The following CSMD3 variants were observed in gnomAD, a reference collection of about 807,000 sequenced individuals.
CSMD3 encodes CUB and sushi domain-containing protein 3.
CSMD3 carries 177 observed loss-of-function variants against 435.2 expected under a neutral mutation model. The observed-to-expected ratio is 0.41, with a 90% CI of 0.36 to 0.46. The LOEUF (loss-of-function observed/expected upper bound fraction) is 0.46. Among genes scored for constraint, CSMD3 ranks in the 20% least tolerant of loss-of-function variants. The pLI, the probability that CSMD3 is intolerant of heterozygous loss-of-function variation, is 0.34. For missense variants in CSMD3, 4,265 were observed against 4,504.6 expected, an observed-to-expected ratio of 0.95 and a Z score of 1.52; for synonymous variants, 1,656 against 1,520.5, an observed-to-expected ratio of 1.09 and a Z score of -2.07.
intron 8 of CSMD3, among the ~76,000 whole-genome samples, chr8:112,952,122 T>A (rs1401015942): frequency 4.0e-5 from 6 of 151,166 alleles, no homozygotes; most frequent in East Asian, 3.9e-4. Context: ...ACGGGGTAGA[T>A]AGGGGCAATT....
At chr8:112,475,763 C>T (rs1236428770) in intron 31 of CSMD3, among the ~76,000 whole-genome samples, 1 of 152,100 alleles carries the variant, frequency 6.6e-6, no homozygotes, top group African/African-American at 2.4e-5. Flanking sequence ...TATATTCTTA[C>T]TTTCTGTTTT....
At chr8:112,749,323 G>T (rs1216852226) in intron 13 of CSMD3, among the ~76,000 whole-genome samples, 1 of 152,052 alleles carries the variant, frequency 6.6e-6, no homozygotes. Flanking sequence ...TTCTTTTGTT[G>T]TGCGCAGGCT....
chr8:112,241,785 G>C lies in CSMD3; in HGVS notation c.10403C>G (p.Ala3468Gly), dbSNP rs2130066101. ...TWTGKVPICEAGSKILVKDPR... is the reference protein window; with the variant it reads ...TWTGKVPICEGGSKILVKDPR... ...ATCTTTCACCAATATTTTAGAACCA[G>C]CTATGAAAAGAAATAAAGGTGTTTA... The change falls in exon 66 of 71, where the codon GCT (alanine) becomes GGT (glycine). Residue 3468 changes from alanine to glycine, a missense_variant and splice_region_variant. By Grantham distance (60) the Ala-to-Gly change is moderately conservative. This residue lies in a region of CSMD3 where 3,255 missense variants were observed against 3,380.2 expected (regional missense o/e 0.96). Transcript: ENST00000297405. 1 of 1,609,222 alleles carries C rather than the reference G, an allele frequency of 6.2e-7. No individual in the cohort carries two copies. The highest frequency in any genetic ancestry group is 8.5e-7 in the Non-Finnish European group (1 of 1,176,208).
intron 22 of CSMD3, among the ~76,000 whole-genome samples, chr8:112,612,884 C>T (rs780059185): frequency 4.2e-5 from 6 of 142,762 alleles, no homozygotes; most frequent in East Asian, 2.0e-4. Flanking sequence ...CACCACCATA[C>T]GTGGCTAATT....
At chr8:112,439,507 A>C (rs1180722639) in intron 32 of CSMD3, among the ~76,000 whole-genome samples, 5 of 152,176 alleles carry the variant, frequency 3.3e-5, no homozygotes, top group Non-Finnish European at 7.3e-5. Flanking sequence ...TATAATCTGT[A>C]GGACTTTATA....
In CSMD3 at chr8:112,347,422, C is replaced by T. The variant is rs180688329; in HGVS notation, c.6326-1209G>A. ...TCCATTTATTTCGTGCCAAGAGTAG[C>T]AACACACAGATACTCAAATCTCAGG... On this transcript the variant is annotated intron_variant, in intron 40 of 70. Transcript: ENST00000297405. Among the ~76,000 whole-genome samples the T allele has an allele frequency of 2.0e-4, 31 of 152,230 alleles. 1 individual carries two copies. The highest frequency in any genetic ancestry group is 5.2e-4 in the Admixed American group (8 of 15,292).
intron 6 of CSMD3, among the ~76,000 whole-genome samples, chr8:113,001,923 G>C (rs935575165): frequency 6.6e-6 from 1 of 152,010 alleles, no homozygotes; most frequent in Non-Finnish European, 1.5e-5. Flanking sequence ...TAAATATATG[G>C]ATGGATGAAT....
chr8:112,728,576 C>G (rs2077012635), intron 13 of CSMD3, among the ~76,000 whole-genome samples: 2 of 151,912 alleles, frequency 1.3e-5, no homozygotes, highest in African/African-American at 4.8e-5. Flanking sequence ...TAAAGTTCTA[C>G]ATAACAAGAC....
At chr8:113,133,620 T>C (rs891308624) in intron 4 of CSMD3, among the ~76,000 whole-genome samples, 7 of 152,112 alleles carry the variant, frequency 4.6e-5, no homozygotes, top group African/African-American at 1.7e-4. Flanking sequence ...TAAAGTGATA[T>C]TTGCACATCC....
intron 1 of CSMD3, among the ~76,000 whole-genome samples, chr8:113,328,510 T>C (rs1270413654): frequency 6.6e-6 from 1 of 151,270 alleles, no homozygotes; most frequent in African/African-American, 2.4e-5. Context: ...TGACCTATAA[T>C]TTGCTAACTG....
intron 4 of CSMD3, among the ~76,000 whole-genome samples, chr8:113,111,965 G>A (rs1458919657): frequency 6.6e-6 from 1 of 152,130 alleles, no homozygotes; most frequent in Admixed American, 6.5e-5. Context: ...ACAGGCAGGA[G>A]CCACTGCGCC....
intron 4 of CSMD3, among the ~76,000 whole-genome samples, chr8:113,133,258 G>A (rs973259124): frequency 6.6e-6 from 1 of 152,024 alleles, no homozygotes; most frequent in Non-Finnish European, 1.5e-5. Context: ...TGAAGGAATT[G>A]TTAGATATTT....
Position 112,389,402 on chromosome 8 carries a change from C to G in CSMD3, c.5934+1262G>C, listed in dbSNP as rs561117217. ...GGGCAATCCCAAAATCCTTATTATT[C>G]TACTATAATAAGATAGGATTGATTC... On this transcript the variant is annotated intron_variant, in intron 36 of 70. Transcript: ENST00000297405. 4.5e-4 allele frequency among the ~76,000 whole-genome samples: 68 copies of G among 152,236 alleles called. 1 individual carries two copies. Among genetic ancestry groups the G allele is most frequent in the African/African-American group, 1.6e-3 (66 of 41,550 alleles).
intron 1 of CSMD3, among the ~76,000 whole-genome samples, chr8:113,421,059 GA>G (rs1309224683): frequency 6.6e-6 from 1 of 151,636 alleles, no homozygotes; most frequent in Non-Finnish European, 1.5e-5. Flanking sequence ...ACCTGATGCA[GA>G]AAATAATTAG....
At chr8:113,219,083 A>G (rs1261411572) in intron 3 of CSMD3, among the ~76,000 whole-genome samples, 4 of 151,548 alleles carry the variant, frequency 2.6e-5, no homozygotes, top group East Asian at 1.9e-4. Flanking sequence ...CCTTAATGTA[A>G]TATTGTATAA....
chr8:112,689,475 T>A (rs1349113584), intron 14 of CSMD3, among the ~76,000 whole-genome samples: 1 of 152,036 alleles, frequency 6.6e-6, no homozygotes, highest in Non-Finnish European at 1.5e-5. Context: ...GCATTATACA[T>A]ACAATATAAG....
At chr8:112,805,786 T>A (rs1170824610) in intron 12 of CSMD3, among the ~76,000 whole-genome samples, 1 of 152,190 alleles carries the variant, frequency 6.6e-6, no homozygotes, top group Non-Finnish European at 1.5e-5. Context: ...GAGTTCAGTA[T>A]TTATGAAAAA....
intron 38 of CSMD3, among the ~76,000 whole-genome samples, chr8:112,375,524 T>C (rs1016668189): frequency 1.3e-5 from 2 of 152,150 alleles, no homozygotes; most frequent in Non-Finnish European, 2.9e-5. Context: ...AAAGGCAAGA[T>C]ACTATGTATT....
At chr8:112,342,378 C>T (rs1197063111) in intron 41 of CSMD3, among the ~76,000 whole-genome samples, 2 of 151,884 alleles carry the variant, frequency 1.3e-5, no homozygotes, top group Non-Finnish European at 2.9e-5. Context: ...AGTATATTTG[C>T]TTAATTAATT....
Sources: allele counts gnomAD v4.1 joint callset (sites outside exome capture counted in the v4.1 genomes callset), GRCh38; gene constraint gnomAD v4.1.1; regional missense constraint gnomAD v4.1.1; transcripts MANE v1.5; gene names NCBI Gene and HGNC (gene_info 2026-07-23, HGNC 2026-07-21).